Variants in TYW1B observed in about 807,000 individuals in gnomAD.
TYW1B encodes tRNA-yW synthesizing protein 1 homolog B, also known as S-adenosyl-L-methionine-dependent tRNA 4-demethylwyosine synthase TYW1B.
Under a neutral mutation model 86.9 loss-of-function variants are expected in TYW1B, and 73 were observed. The observed-to-expected ratio is 0.84, with a 90% CI of 0.70 to 1.02. The LOEUF (loss-of-function observed/expected upper bound fraction) is 1.02. TYW1B is among the 50% of genes least tolerant of loss of function. The pLI is 0.00. For missense variants in TYW1B, 637 were observed against 827.4 expected (o/e 0.77, Z 2.82); for synonymous variants, 248 against 292.8 (o/e 0.85, Z 1.56).
At chr7:72,675,771 A>C (rs1479023313) in intron 11 of TYW1B, among the ~76,000 whole-genome samples, 1 of 152,020 alleles carries the variant, frequency 6.6e-6, no homozygotes, top group African/African-American at 2.4e-5. Flanking sequence ...TTCTCATGTG[A>C]AAAAAAGCCA....
intron 3 of TYW1B, among the ~76,000 whole-genome samples, chr7:72,812,705 T>G (rs576571536): frequency 2.6e-5 from 4 of 151,476 alleles, no homozygotes; most frequent in East Asian, 3.9e-4. Flanking sequence ...TTTGGGGTTT[T>G]TTTTTTTTTT....
intron 13 of TYW1B, among the ~76,000 whole-genome samples, chr7:72,613,184 T>C (rs1214286366): frequency 1.3e-5 from 2 of 152,102 alleles, no homozygotes; most frequent in Non-Finnish European, 2.9e-5. Context: ...GAAGAAAATA[T>C]AGTATCTGCC....
In TYW1B at chr7:72,828,183, G is replaced by C. The variant is rs782487124; in HGVS notation, c.-108C>G. 2 of 1,568,620 alleles carry C rather than the reference G, an allele frequency of 1.3e-6. No homozygotes were observed. The highest frequency in any genetic ancestry group is 1.4e-5 in the African/African-American group (1 of 74,042). ...TACCTCGCGGCGTTAGCGCCGTACC[G>C]AGTGGCTGCAGAACTGTGGGCAGCT... is the stretch of plus-strand genomic sequence containing the variant. On this transcript the variant is annotated 5_prime_UTR_variant, in exon 1 of 14. Transcript: ENST00000620995.
chr7:72,632,756 T>C (rs183088844), intron 11 of TYW1B, among the ~76,000 whole-genome samples: 1 of 151,968 alleles, frequency 6.6e-6, no homozygotes, highest in Admixed American at 6.6e-5. Flanking sequence ...ATAAAGTGCT[T>C]TGTAGCTTGG....
At chr7:72,717,801 A>G (rs3015846) in intron 9 of TYW1B, among the ~76,000 whole-genome samples, 106,283 of 152,000 alleles carry the variant, frequency 0.7, 37,949 homozygotes, top group Non-Finnish European at 0.77. Flanking sequence ...TTACAATGGG[A>G]TATCATCTCA....
chr7:72,743,615 G>A (rs1787342824), intron 8 of TYW1B, among the ~76,000 whole-genome samples: 1 of 152,054 alleles, frequency 6.6e-6, no homozygotes, highest in South Asian at 2.1e-4. Context: ...AGGCCGAGGT[G>A]GGCGGATCAC....
intron 7 of TYW1B, 145 bp from the exon 8 acceptor site, chr7:72,744,746 C>G: frequency 1.0e-6 from 1 of 967,814 alleles, no homozygotes; most frequent in South Asian, 1.5e-5. Flanking sequence ...AAATTCGCAT[C>G]AGAGCATTTT....
intron 8 of TYW1B, among the ~76,000 whole-genome samples, chr7:72,734,051 G>A (rs188938634): frequency 2.9e-3 from 442 of 152,138 alleles, no homozygotes; most frequent in Non-Finnish European, 4.3e-3. Context: ...AAAGTCAGGA[G>A]TTCAAGACCA....
rs1302885273 is a variant in TYW1B, at chr7:72,767,484, C to A, written c.964+9932G>T. Among the ~76,000 whole-genome samples, 11 of 152,036 alleles carry A rather than the reference C, an allele frequency of 7.2e-5. No homozygotes were observed. The South Asian group carries it at 1.7e-3, about 23-fold the overall frequency. ...AATTAGCCGGGTGTGGTGGCGGGCG[C>A]CTGTAGTCCCAGCTACTCAGGAGGC... On this transcript the variant is annotated intron_variant, in intron 7 of 13. Transcript: ENST00000620995.
intron 10 of TYW1B, among the ~76,000 whole-genome samples, chr7:72,699,530 A>G (rs1215442613): frequency 1.3e-5 from 2 of 152,188 alleles, no homozygotes; most frequent in South Asian, 2.1e-4. Flanking sequence ...ACAACCTCTT[A>G]ACCACAATTT....
chr7:72,684,658 A>T (rs1482282203), intron 11 of TYW1B, among the ~76,000 whole-genome samples: 1 of 152,206 alleles, frequency 6.6e-6, no homozygotes, highest in Non-Finnish European at 1.5e-5. Context: ...GGAGTAAAAT[A>T]AAAATGTTTA....
intron 7 of TYW1B, among the ~76,000 whole-genome samples, chr7:72,765,858 T>C (rs1787760207): frequency 6.6e-6 from 1 of 152,172 alleles, no homozygotes; most frequent in African/African-American, 2.4e-5. Context: ...TGACCAAAGA[T>C]ATTCAAACTA....
rs528559023 is a variant in TYW1B, at chr7:72,644,307, T to C, written c.1507-15310A>G. 7.2e-5 allele frequency among the ~76,000 whole-genome samples: 11 copies of C among 152,238 alleles called. No individual in the cohort carries two copies. In the South Asian group the frequency reaches 2.1e-3, roughly 29 times the overall value. On this transcript the variant is annotated intron_variant, in intron 11 of 13. Coordinates refer to ENST00000620995, the MANE Select transcript of TYW1B (RefSeq NM_001145440.3). ...GCTCACACCTATAATCCCAACACTTTGGGAGGTTGACGTGGGCGGATCACA... is the reference window on the plus strand; with the variant it reads ...GCTCACACCTATAATCCCAACACTTCGGGAGGTTGACGTGGGCGGATCACA...
intron 12 of TYW1B, among the ~76,000 whole-genome samples, chr7:72,625,260 A>C (rs1206447939): frequency 1.3e-5 from 2 of 152,166 alleles, no homozygotes; most frequent in Non-Finnish European, 2.9e-5. Flanking sequence ...GAGCTCAAAA[A>C]TATTGTTGAA....
At chr7:72,752,843 A>G (rs1787523770) in intron 7 of TYW1B, among the ~76,000 whole-genome samples, 1 of 152,238 alleles carries the variant, frequency 6.6e-6, no homozygotes, top group Non-Finnish European at 1.5e-5. Flanking sequence ...AACATTTTAA[A>G]ATTTAAAAAT....
intron 10 of TYW1B, among the ~76,000 whole-genome samples, chr7:72,705,801 C>T (rs1191926020): frequency 3.7e-4 from 57 of 152,144 alleles, no homozygotes; most frequent in Non-Finnish European, 7.4e-4. Flanking sequence ...AGAAGCTATT[C>T]AGTGTTGGGA....
chr7:72,652,905 A>T (rs1181654333), intron 11 of TYW1B, among the ~76,000 whole-genome samples: 3 of 152,194 alleles, frequency 2.0e-5, no homozygotes, highest in African/African-American at 7.2e-5. Context: ...AATTTAAGTA[A>T]ATGATCCGAA....
At chr7:72,674,114 C>T (rs7786339) in intron 11 of TYW1B, among the ~76,000 whole-genome samples, 34,005 of 151,898 alleles carry the variant, frequency 0.22, 4,572 homozygotes, top group African/African-American at 0.38. Context: ...CCCCACTCCT[C>T]TCCGTGAAGT....
intron 13 of TYW1B, among the ~76,000 whole-genome samples, chr7:72,591,147 C>CA (rs879992691): frequency 5.2e-4 from 71 of 137,218 alleles, no homozygotes; most frequent in South Asian, 1.4e-3. Context: ...ATCCGAATAG[C>CA]AAAAAAAAAA....
Sources: gnomAD v4.1 joint callset for allele counts (sites outside exome capture counted in the v4.1 genomes callset) on GRCh38, gnomAD v4.1.1 for gene constraint, MANE v1.5 for transcripts, NCBI Gene and HGNC (gene_info 2026-07-23, HGNC 2026-07-21) for gene names.